The following FAM168A variants were observed in gnomAD, a reference collection of about 807,000 sequenced individuals.
FAM168A encodes the protein family with sequence similarity 168 member A.
In FAM168A, 3 loss-of-function variants were observed where a neutral mutation model predicts 28.5. That is an observed-to-expected ratio of 0.11 (90% CI 0.05 to 0.27). The LOEUF (loss-of-function observed/expected upper bound fraction) is 0.27. Ranked by LOEUF, FAM168A falls within the 10% of genes least tolerant of loss-of-function variation. The pLI is 1.00. For synonymous variants in FAM168A, 122 were observed against 124.2 expected (o/e 0.98, Z 0.12); for missense variants, 222 against 311.5 (o/e 0.71, Z 2.16).
At chr11:73,514,685 T>C (rs1157837887) in intron 1 of FAM168A, among the ~76,000 whole-genome samples, 2 of 151,984 alleles carry the variant, frequency 1.3e-5, no homozygotes, top group Non-Finnish European at 2.9e-5. Context: ...TACAAAAAAT[T>C]AACCGAGCAT....
intron 2 of FAM168A, among the ~76,000 whole-genome samples, chr11:73,467,265 A>G (rs1195084836): frequency 6.6e-6 from 1 of 151,636 alleles, no homozygotes; most frequent in Non-Finnish European, 1.5e-5. Context: ...CAACTGTCCT[A>G]TGAAATGGAT....
At chr11:73,563,284 C>T (rs1323386030) in intron 1 of FAM168A, among the ~76,000 whole-genome samples, 1 of 152,184 alleles carries the variant, frequency 6.6e-6, no homozygotes, top group Non-Finnish European at 1.5e-5. Flanking sequence ...TTCAGCTCTC[C>T]CGTTTGTTAG....
intron 1 of FAM168A, among the ~76,000 whole-genome samples, chr11:73,569,165 T>A (rs1374099356): frequency 6.6e-6 from 1 of 152,160 alleles, no homozygotes; most frequent in African/African-American, 2.4e-5. Context: ...CATAATCAAT[T>A]AGTGACTAAG....
In FAM168A at chr11:73,404,362, CCT is replaced by C. The variant is rs1866465764; in HGVS notation, c.*2399_*2400del. On this transcript the variant is annotated 3_prime_UTR_variant, in exon 8 of 8. Transcript: ENST00000356467. ...TGACTGTAATAACTCTAACCCTGTC[CCT>C]CTCAGGGCGAGTACATGAAAGGCCG... 1 of 152,194 alleles carries C rather than the reference CCT, an allele frequency of 6.6e-6. No individual in the cohort carries two copies. Among genetic ancestry groups the C allele is most frequent in the Admixed American group, 6.5e-5 (1 of 15,274 alleles). The allele number at this position is 152,194 out of a possible 1,614,324, so 9.4% of individuals were successfully genotyped here.
intron 2 of FAM168A, among the ~76,000 whole-genome samples, chr11:73,442,183 T>C (rs1329148910): frequency 1.3e-5 from 2 of 150,536 alleles, no homozygotes; most frequent in Non-Finnish European, 3.0e-5. Flanking sequence ...TGGAGTGCAA[T>C]GGCACAATCT....
intron 2 of FAM168A, among the ~76,000 whole-genome samples, chr11:73,431,965 T>C (rs1867003090): frequency 6.6e-6 from 1 of 152,228 alleles, no homozygotes; most frequent in Admixed American, 6.5e-5. Context: ...TCTAATCTAC[T>C]TTCTGTCTCT....
chr11:73,432,442 A>T (rs1431821030), intron 2 of FAM168A, among the ~76,000 whole-genome samples: 1 of 147,150 alleles, frequency 6.8e-6, no homozygotes, highest in Non-Finnish European at 1.5e-5. Context: ...CCCTTGTTTT[A>T]TTATTATTAT....
chr11:73,411,456 G>A lies in FAM168A; in HGVS notation c.358C>T (p.Pro120Ser). Residue 120 changes from proline to serine, a missense_variant, in exon 5 of 8, where the codon CCC becomes TCC. This residue lies in a region of FAM168A where 153 missense variants were observed against 189.2 expected (regional missense o/e 0.81). Transcript: ENST00000356467. ...APPPYSPSPN[P>S]YQTAMYPIRS... ...ATTGGATACATGGCCGTCTGATAGGGGTTGGGTGATGGGGAGTAGGGGGGT... is the reference window on the plus strand; with the variant it reads ...ATTGGATACATGGCCGTCTGATAGGAGTTGGGTGATGGGGAGTAGGGGGGT... 1 of 1,613,670 alleles carries A rather than the reference G, an allele frequency of 6.2e-7. No individual in the cohort carries two copies. The highest frequency in any genetic ancestry group is 1.1e-5 in the South Asian group (1 of 91,040).
At chr11:73,534,545 G>A (rs1943553243) in intron 1 of FAM168A, among the ~76,000 whole-genome samples, 1 of 151,980 alleles carries the variant, frequency 6.6e-6, no homozygotes, top group Non-Finnish European at 1.5e-5. Context: ...TGGGATTACA[G>A]GAGCCCACCA....
rs146214743 is a variant in FAM168A at position 73,556,707 on chromosome 11, T to C, written c.-19+41216A>G. On this transcript the variant is annotated intron_variant, in intron 1 of 7. Coordinates refer to ENST00000356467, the MANE Select transcript of FAM168A (RefSeq NM_015159.3). ...AATTGAGATGATAAATTTTATGTTATATGTATTTTACTGCAATAAAAAAAA... is the reference window on the plus strand; with the variant it reads ...AATTGAGATGATAAATTTTATGTTACATGTATTTTACTGCAATAAAAAAAA... Among the ~76,000 whole-genome samples the C allele has an allele frequency of 2.1e-3, 317 of 152,170 alleles. 2 individuals carry two copies. The highest frequency in any genetic ancestry group is 7.3e-3 in the African/African-American group (303 of 41,514).
chr11:73,533,478 A>G (rs547070569), intron 1 of FAM168A, among the ~76,000 whole-genome samples: 1 of 152,276 alleles, frequency 6.6e-6, no homozygotes, highest in Non-Finnish European at 1.5e-5. Flanking sequence ...GTAATTTGGG[A>G]GCACCACACA....
At chr11:73,527,076 T>G (rs2134659130) in intron 1 of FAM168A, among the ~76,000 whole-genome samples, 1 of 152,216 alleles carries the variant, frequency 6.6e-6, no homozygotes, top group Non-Finnish European at 1.5e-5. Flanking sequence ...ACTAACAGCA[T>G]GATCACACCT....
At chr11:73,519,832 A>AT (rs142448485) in intron 1 of FAM168A, among the ~76,000 whole-genome samples, 78 of 148,588 alleles carry the variant, frequency 5.2e-4, no homozygotes, top group African/African-American at 1.5e-3. Flanking sequence ...ATATATGTAT[A>AT]TTTTTTTTTT....
rs1459767987 is a variant in FAM168A at position 73,484,808 on chromosome 11, C to G, written c.-18-16316G>C. 4.0e-5 allele frequency among the ~76,000 whole-genome samples: 6 copies of G among 151,176 alleles called. No homozygotes were observed. The South Asian group carries it at 1.3e-3, about 32-fold the overall frequency. ...CAGGATCCTAAGATCCTACAATAGG[C>G]CATCTGCAAGCTGAGGAGCAAGGAA... On this transcript the variant is annotated intron_variant, in intron 1 of 7. Transcript: ENST00000356467.
chr11:73,509,408 T>C (rs1855174393), intron 1 of FAM168A, among the ~76,000 whole-genome samples: 1 of 152,194 alleles, frequency 6.6e-6, no homozygotes, highest in Non-Finnish European at 1.5e-5. Context: ...GCTAAGTAAA[T>C]AATTCCCATC....
At chr11:73,580,801 A>G (rs563013421) in intron 1 of FAM168A, among the ~76,000 whole-genome samples, 1 of 152,294 alleles carries the variant, frequency 6.6e-6, no homozygotes, top group South Asian at 2.1e-4. Context: ...TTTGACACAC[A>G]TGGCCACCTT....
intron 2 of FAM168A, among the ~76,000 whole-genome samples, chr11:73,433,906 C>T (rs987243396): frequency 1.5e-5 from 2 of 130,222 alleles, no homozygotes; most frequent in Non-Finnish European, 3.1e-5. Context: ...AGTGCAGTGG[C>T]GCTGTATTGG....
chr11:73,521,937 G>C lies in FAM168A; in HGVS notation c.-18-53445C>G, dbSNP rs118077383. Among the ~76,000 whole-genome samples the C allele has an allele frequency of 4.1e-4, 62 of 152,306 alleles. 1 individual carries two copies. In the East Asian group the frequency reaches 0.011, roughly 28 times the overall value. ...ATGAGGCACAGCAAATTTGGGAACAGTAGAGTTCAACAAAGGTGTTAAGGA... is the reference window on the plus strand; with the variant it reads ...ATGAGGCACAGCAAATTTGGGAACACTAGAGTTCAACAAAGGTGTTAAGGA... On this transcript the variant is annotated intron_variant, in intron 1 of 7. Coordinates refer to ENST00000356467, the MANE Select transcript of FAM168A (RefSeq NM_015159.3).
chr11:73,434,412 A>G (rs1867053534), intron 2 of FAM168A, among the ~76,000 whole-genome samples: 1 of 152,268 alleles, frequency 6.6e-6, no homozygotes, highest in East Asian at 1.9e-4. Context: ...ATTAAACATG[A>G]TAATCAAAGT....
Sources: gnomAD v4.1 joint callset for allele counts (sites outside exome capture counted in the v4.1 genomes callset) on GRCh38, gnomAD v4.1.1 for gene constraint, gnomAD v4.1.1 regional missense constraint, MANE v1.5 for transcripts, NCBI Gene and HGNC (gene_info 2026-07-23, HGNC 2026-07-21) for gene names.